Variants in DNAH12 observed in about 807,000 individuals in gnomAD.
DNAH12 encodes dynein axonemal heavy chain 12, also known as axonemal beta dynein heavy chain 12.
In DNAH12, 285 loss-of-function variants were observed where a neutral mutation model predicts 371.5. That is an observed-to-expected ratio of 0.77 (90% CI 0.70 to 0.85). The LOEUF is 0.85. Among genes scored for constraint, DNAH12 ranks in the 40% least tolerant of loss-of-function variants. The pLI is 0.00. For missense variants in DNAH12, 3,611 were observed against 3,689.4 expected (o/e 0.98, Z 0.55); for synonymous variants, 1,200 against 1,213.0 (o/e 0.99, Z 0.22).
chr3:57,442,370 C>T (rs1012809857), intron 29 of DNAH12, among the ~76,000 whole-genome samples: 43 of 143,832 alleles, frequency 3.0e-4, no homozygotes, highest in Admixed American at 3.0e-3. Flanking sequence ...AAATATATGA[C>T]AACAATAGCA....
intron 47 of DNAH12, among the ~76,000 whole-genome samples, chr3:57,385,826 A>G (rs1252466899): frequency 1.3e-5 from 2 of 152,164 alleles, no homozygotes; most frequent in Non-Finnish European, 2.9e-5. Flanking sequence ...AGCTGCAGTG[A>G]GCCGAGATTG....
chr3:57,551,688 A>G, the DNAH12 span, among the ~76,000 whole-genome samples: 2 of 152,144 alleles, frequency 1.3e-5, no homozygotes, highest in Non-Finnish European at 2.9e-5. Flanking sequence ...ATTGTTTTAT[A>G]TCAGTATTTG....
intron 35 of DNAH12, 54 bp from the exon 36 acceptor site, chr3:57,421,760 G>A: frequency 6.5e-7 from 1 of 1,543,850 alleles, no homozygotes; most frequent in Non-Finnish European, 8.8e-7. Context: ...AGGCATTTTA[G>A]GAGAAACATT....
intron 2 of DNAH12, among the ~76,000 whole-genome samples, chr3:57,538,754 C>T (rs778563110): frequency 1.8e-4 from 28 of 152,174 alleles, no homozygotes; most frequent in Admixed American, 3.3e-4. Flanking sequence ...CTCTCACTCT[C>T]GCTCTCTCTG....
chr3:57,334,106 A>G (rs2062169153), intron 62 of DNAH12, among the ~76,000 whole-genome samples: 1 of 152,232 alleles, frequency 6.6e-6, no homozygotes, highest in Non-Finnish European at 1.5e-5. Flanking sequence ...GAAGAAATCA[A>G]CAAATGTAAA....
chr3:57,478,316 G>A (rs2066609477), intron 13 of DNAH12, among the ~76,000 whole-genome samples: 1 of 152,178 alleles, frequency 6.6e-6, no homozygotes, highest in Non-Finnish European at 1.5e-5. Context: ...CTGGAAGAAA[G>A]GGTATCAGTG....
At chr3:57,320,460 T>C (rs1395313982) in intron 65 of DNAH12, among the ~76,000 whole-genome samples, 1 of 152,234 alleles carries the variant, frequency 6.6e-6, no homozygotes, top group East Asian at 1.9e-4. Context: ...ACGCCCAAGA[T>C]ATCAACAACC....
chr3:57,446,385 A>G (rs2065496952), intron 26 of DNAH12, 115 bp from the exon 27 acceptor site: 3 of 1,433,690 alleles, frequency 2.1e-6, no homozygotes, highest in African/African-American at 2.9e-5. Flanking sequence ...AAAAGTTCCA[A>G]GGATAAAAAC....
At chr3:57,423,676 T>C (rs965807084) in intron 35 of DNAH12, among the ~76,000 whole-genome samples, 9 of 152,158 alleles carry the variant, frequency 5.9e-5, no homozygotes, top group Non-Finnish European at 1.2e-4. Context: ...TAAAAACCTC[T>C]TTCCTCAGGC....
chr3:57,297,250 AATT>A (rs1260672796), intron 70 of DNAH12: 2 of 450,350 alleles, frequency 4.4e-6, no homozygotes, highest in African/African-American at 3.9e-5. Flanking sequence ...GCCAAATGTA[AATT>A]ATTTGATGCT....
At chr3:57,354,047 T>A (rs1203397856) in intron 59 of DNAH12, among the ~76,000 whole-genome samples, 1 of 152,194 alleles carries the variant, frequency 6.6e-6, no homozygotes, top group Non-Finnish European at 1.5e-5. Context: ...ATATAAATTG[T>A]TCTACCATAA....
intron 2 of DNAH12, among the ~76,000 whole-genome samples, chr3:57,538,603 C>G (rs904905476): frequency 7.2e-5 from 11 of 152,204 alleles, no homozygotes; most frequent in African/African-American, 2.4e-4. Context: ...TGCTCTTCTG[C>G]TTTTCCTCCT....
intron 23 of DNAH12, among the ~76,000 whole-genome samples, chr3:57,454,334 G>A (rs2065841936): frequency 6.6e-6 from 1 of 152,032 alleles, no homozygotes; most frequent in Non-Finnish European, 1.5e-5. Flanking sequence ...TACAAAATTA[G>A]CCGGGTGTGG....
At chr3:57,311,005 CCATTTT>C (rs1375445056) in intron 66 of DNAH12, 55 bp from the exon 67 acceptor site, 206 of 1,232,876 alleles carry the variant, frequency 1.7e-4, no homozygotes, top group Non-Finnish European at 2.3e-4. Flanking sequence ...CACTTCATTT[CCATTTT>C]AAGTATGTAT....
At chr3:57,370,051 G>A (rs2063137153) in intron 55 of DNAH12, among the ~76,000 whole-genome samples, 1 of 152,096 alleles carries the variant, frequency 6.6e-6, no homozygotes, top group African/African-American at 2.4e-5. Context: ...AATAATACTA[G>A]GCTACATTTG....
intron 12 of DNAH12, among the ~76,000 whole-genome samples, chr3:57,487,062 G>T (rs1332230853): frequency 2.0e-5 from 3 of 152,074 alleles, no homozygotes; most frequent in Non-Finnish European, 4.4e-5. Flanking sequence ...CATACTTTAG[G>T]AATGGCAAAC....
intron 29 of DNAH12, among the ~76,000 whole-genome samples, chr3:57,440,602 C>A (rs1350892421): frequency 1.3e-5 from 2 of 152,160 alleles, no homozygotes; most frequent in Non-Finnish European, 2.9e-5. Context: ...GTGATGGTAT[C>A]AATAATACCT....
chr3:57,521,286 GT>G (rs941353042), intron 4 of DNAH12, among the ~76,000 whole-genome samples: 3 of 151,618 alleles, frequency 2.0e-5, no homozygotes, highest in Admixed American at 6.6e-5. Context: ...TTAGGCTGAG[GT>G]TTTTTTTATT....
the DNAH12 span, among the ~76,000 whole-genome samples, chr3:57,554,914 G>A: frequency 6.6e-6 from 1 of 152,174 alleles, no homozygotes; most frequent in Non-Finnish European, 1.5e-5. Context: ...ACTGGGCCCG[G>A]CGTCTTTAAG....
Sources: gnomAD v4.1 joint callset for allele counts (sites outside exome capture counted in the v4.1 genomes callset) on GRCh38, gnomAD v4.1.1 for gene constraint, MANE v1.5 for transcripts, NCBI Gene and HGNC (gene_info 2026-07-23, HGNC 2026-07-21) for gene names.